Variants in NKAIN2 observed in about 807,000 individuals in gnomAD.
The protein encoded by NKAIN2 is sodium/potassium-transporting ATPase subunit beta-1-interacting protein 2.
NKAIN2 carries 14 observed loss-of-function variants against 32.6 expected under a neutral mutation model. That is an observed-to-expected ratio of 0.43 (90% CI 0.28 to 0.67). NKAIN2 has a LOEUF of 0.67. Among genes scored for constraint, NKAIN2 ranks in the 30% least tolerant of loss-of-function variants. The pLI is 0.17. For synonymous variants in NKAIN2, 80 were observed against 87.2 expected (o/e 0.92, Z 0.46); for missense variants, 198 against 258.3 (o/e 0.77, Z 1.60).
intron 3 of NKAIN2, among the ~76,000 whole-genome samples, chr6:124,471,364 T>G (rs1776966488): frequency 6.6e-6 from 1 of 152,168 alleles, no homozygotes; most frequent in African/African-American, 2.4e-5. Flanking sequence ...ATTTTATATC[T>G]AATTTTGGGG....
chr6:124,387,752 G>T (rs982017033), intron 3 of NKAIN2, among the ~76,000 whole-genome samples: 1 of 152,008 alleles, frequency 6.6e-6, no homozygotes, highest in Non-Finnish European at 1.5e-5. Flanking sequence ...GTTTCTAAAA[G>T]CTATGACCTC....
chr6:124,774,210 G>T lies in NKAIN2; in HGVS notation c.475-17129G>T, dbSNP rs149727961. Among the ~76,000 whole-genome samples the T allele has an allele frequency of 5.4e-4, 82 of 152,282 alleles. 2 individuals are homozygous for T. In the East Asian group the frequency reaches 0.014, roughly 25 times the overall value. On this transcript the variant is annotated intron_variant, in intron 4 of 6. Coordinates refer to ENST00000368417, the MANE Select transcript of NKAIN2 (RefSeq NM_001040214.3). ...TTAGGAGGCTATTGCAGTGATCTAG[G>T]TGAAAGAAATGGCAAATTGGACCTG...
chr6:124,696,213 AC>A (rs1247178149), intron 4 of NKAIN2, among the ~76,000 whole-genome samples: 2 of 152,108 alleles, frequency 1.3e-5, no homozygotes, highest in Admixed American at 6.6e-5. Flanking sequence ...TCCATGACCT[AC>A]CTTGGAGAAG....
chr6:124,180,022 A>G (rs1789359684), intron 1 of NKAIN2, among the ~76,000 whole-genome samples: 1 of 152,162 alleles, frequency 6.6e-6, no homozygotes, highest in African/African-American at 2.4e-5. Context: ...TCTCTGTATG[A>G]CATTTTCTTT....
intron 4 of NKAIN2, among the ~76,000 whole-genome samples, chr6:124,715,391 A>G (rs1234168180): frequency 2.0e-5 from 3 of 152,106 alleles, no homozygotes; most frequent in Non-Finnish European, 4.4e-5. Flanking sequence ...CTGACCTGCT[A>G]TCTTCATGTC....
At chr6:124,760,969 A>AT (rs1208864891) in intron 4 of NKAIN2, among the ~76,000 whole-genome samples, 2 of 152,116 alleles carry the variant, frequency 1.3e-5, no homozygotes, top group African/African-American at 2.4e-5. Flanking sequence ...CCCAGCAAAC[A>AT]TTTTTTTGCC....
chr6:124,218,905 C>G (rs747899878), intron 1 of NKAIN2, among the ~76,000 whole-genome samples: 64 of 152,286 alleles, frequency 4.2e-4, no homozygotes, highest in Non-Finnish European at 7.5e-4. Flanking sequence ...AATTGACTCA[C>G]AGTTCCACAC....
chr6:124,070,164 T>C (rs1259393199), intron 1 of NKAIN2, among the ~76,000 whole-genome samples: 1 of 152,230 alleles, frequency 6.6e-6, no homozygotes, highest in Non-Finnish European at 1.5e-5. Context: ...ATTCGCTGCT[T>C]TTCTTCAGTT....
At chr6:124,077,353 T>G (rs1783740824) in intron 1 of NKAIN2, among the ~76,000 whole-genome samples, 1 of 152,216 alleles carries the variant, frequency 6.6e-6, no homozygotes, top group Admixed American at 6.5e-5. Context: ...TTCTCACTCT[T>G]CTAATAATTT....
chr6:124,691,007 A>G (rs1042739243), intron 4 of NKAIN2, among the ~76,000 whole-genome samples: 4 of 152,194 alleles, frequency 2.6e-5, no homozygotes, highest in African/African-American at 9.6e-5. Context: ...GTAGGAAGGA[A>G]GGAATGAAGG....
chr6:124,686,206 G>T (rs556851609), intron 4 of NKAIN2, among the ~76,000 whole-genome samples: 1 of 152,138 alleles, frequency 6.6e-6, no homozygotes, highest in Non-Finnish European at 1.5e-5. Flanking sequence ...CTTGACATCT[G>T]CAAGCAAGGG....
chr6:123,829,271 AT>A (rs1224503029), intron 1 of NKAIN2: 7 of 152,030 alleles, frequency 4.6e-5, no homozygotes, highest in Non-Finnish European at 1.0e-4. Flanking sequence ...TCAAATTAAA[AT>A]TTTCCACCCA....
At chr6:124,756,449 A>G (rs906078408) in intron 4 of NKAIN2, among the ~76,000 whole-genome samples, 7 of 152,096 alleles carry the variant, frequency 4.6e-5, no homozygotes, top group African/African-American at 1.4e-4. Flanking sequence ...AGCCCTGCAA[A>G]TGCCTAGACT....
intron 4 of NKAIN2, among the ~76,000 whole-genome samples, chr6:124,765,509 G>C (rs1778473623): frequency 6.6e-6 from 1 of 152,204 alleles, no homozygotes; most frequent in African/African-American, 2.4e-5. Flanking sequence ...GAGTCACACT[G>C]GATCCTCTTA....
intron 3 of NKAIN2, among the ~76,000 whole-genome samples, chr6:124,537,801 T>C (rs1214619590): frequency 1.3e-5 from 2 of 152,248 alleles, no homozygotes; most frequent in Admixed American, 1.3e-4. Flanking sequence ...TTTGTTCATA[T>C]GTAGTATGTG....
At chr6:124,058,406 AAT>A (rs1782769547) in intron 1 of NKAIN2, among the ~76,000 whole-genome samples, 1 of 152,062 alleles carries the variant, frequency 6.6e-6, no homozygotes, top group Admixed American at 6.6e-5. Context: ...ATTATTTAGC[AAT>A]GAGTCTAGCA....
chr6:124,009,763 T>C (rs1288369207), intron 1 of NKAIN2, among the ~76,000 whole-genome samples: 4 of 152,210 alleles, frequency 2.6e-5, no homozygotes, highest in Non-Finnish European at 5.9e-5. Context: ...CAATGCATGG[T>C]GCTGAGTAGA....
At chr6:124,275,352 T>C (rs945418578) in intron 1 of NKAIN2, among the ~76,000 whole-genome samples, 1 of 152,100 alleles carries the variant, frequency 6.6e-6, no homozygotes, top group Non-Finnish European at 1.5e-5. Context: ...TATTAAGAAA[T>C]GCCATGTATG....
intron 1 of NKAIN2, among the ~76,000 whole-genome samples, chr6:123,900,532 GTTTTTTT>G (rs34370743): frequency 8.9e-4 from 29 of 32,768 alleles, no homozygotes; most frequent in Non-Finnish European, 1.2e-3. Context: ...CTCCAGATTA[GTTTTTTT>G]TTTTTTTTTT....
Sources: allele counts gnomAD v4.1 joint callset (sites outside exome capture counted in the v4.1 genomes callset), GRCh38; gene constraint gnomAD v4.1.1; transcripts MANE v1.5; gene names NCBI Gene and HGNC (gene_info 2026-07-23, HGNC 2026-07-21).